CLSTN2: variants seen among roughly 807,000 people sequenced by gnomAD.
CLSTN2 encodes the protein calsyntenin 2.
Under a neutral mutation model 101.2 loss-of-function variants are expected in CLSTN2, and 48 were observed. That is an observed-to-expected ratio of 0.47 (90% CI 0.38 to 0.60). CLSTN2 has a LOEUF of 0.60. Among genes scored for constraint, CLSTN2 ranks in the 20% least tolerant of loss-of-function variants. CLSTN2 has a pLI of 0.00. For synonymous variants in CLSTN2, 481 were observed against 463.6 expected (o/e 1.04, Z -0.48); for missense variants, 1,160 against 1,238.2 (o/e 0.94, Z 0.95).
chr3:140,097,596 T>C lies in CLSTN2; in HGVS notation c.110-78355T>C, dbSNP rs182549442. Among the ~76,000 whole-genome samples the C allele has an allele frequency of 1.3e-3, 201 of 152,316 alleles. 1 individual carries two copies. Among genetic ancestry groups the C allele is most frequent in the African/African-American group, 4.4e-3 (183 of 41,566 alleles). ...CATAGTTGTATATGAAACCATGTTG[T>C]TCCCACTCCATGTGCTTTCGAATTT... On this transcript the variant is annotated intron_variant, in intron 1 of 16. Coordinates refer to ENST00000458420, the MANE Select transcript of CLSTN2 (RefSeq NM_022131.3).
At chr3:140,401,108 A>T (rs1304165421) in intron 2 of CLSTN2, among the ~76,000 whole-genome samples, 1 of 152,268 alleles carries the variant, frequency 6.6e-6, no homozygotes, top group Non-Finnish European at 1.5e-5. Context: ...TGCTTGGCAC[A>T]TAGTGCCTAA....
chr3:139,998,358 T>TTTTTTTTTTTTTTGG (rs2006732554), intron 1 of CLSTN2, among the ~76,000 whole-genome samples: 1 of 114,864 alleles, frequency 8.7e-6, no homozygotes, highest in African/African-American at 3.0e-5. Context: ...TTTTTTTTTG[T>TTTTTTTTTTTTTTGG]GACGGAGTCT....
chr3:140,565,012 C>T (rs1048119484), intron 16 of CLSTN2, among the ~76,000 whole-genome samples: 3 of 152,238 alleles, frequency 2.0e-5, no homozygotes, highest in African/African-American at 7.2e-5. Context: ...TGATGTGGCT[C>T]AGTTCCTCCA....
chr3:140,520,575 GGGGATTATC>G (rs1478544543), intron 8 of CLSTN2, among the ~76,000 whole-genome samples: 2 of 152,148 alleles, frequency 1.3e-5, no homozygotes, highest in Non-Finnish European at 2.9e-5. Context: ...CTTGACATGT[GGGGATTATC>G]GGGATTATAA....
intron 2 of CLSTN2, among the ~76,000 whole-genome samples, chr3:140,240,559 T>C (rs2086458576): frequency 6.6e-6 from 1 of 152,014 alleles, no homozygotes; most frequent in African/African-American, 2.4e-5. Context: ...ACAGGTTTGT[T>C]GAGAGGACAG....
intron 10 of CLSTN2, among the ~76,000 whole-genome samples, chr3:140,555,311 G>T (rs771145897): frequency 1.7e-4 from 26 of 152,190 alleles, no homozygotes; most frequent in Admixed American, 9.2e-4. Flanking sequence ...ATCCTGCAGG[G>T]AAGGGTACCA....
chr3:140,051,955 G>A (rs2008004710), intron 1 of CLSTN2, among the ~76,000 whole-genome samples: 1 of 152,170 alleles, frequency 6.6e-6, no homozygotes. Flanking sequence ...AAGTTTGCAG[G>A]GCAGGCTGAG....
Position 140,536,628 on chromosome 3 carries a change from G to A in CLSTN2, c.1507+4142G>A, listed in dbSNP as rs928014046. On this transcript the variant is annotated intron_variant, in intron 9 of 16. Transcript: ENST00000458420. ...GGAGATAGGAACCTTATCATGCAGT[G>A]TTTTAGGCCATGGGAAGATTTGAGT... 7.2e-5 allele frequency among the ~76,000 whole-genome samples: 11 copies of A among 152,142 alleles called. 1 individual carries two copies. Among genetic ancestry groups the A allele is most frequent in the South Asian group, 4.1e-4 (2 of 4,822 alleles).
chr3:140,418,122 A>G (rs2088451234), intron 4 of CLSTN2, among the ~76,000 whole-genome samples: 1 of 152,174 alleles, frequency 6.6e-6, no homozygotes, highest in Non-Finnish European at 1.5e-5. Context: ...AATTTTAAAG[A>G]AAGTTAATTT....
chr3:140,488,106 A>G (rs1312947107), intron 8 of CLSTN2, among the ~76,000 whole-genome samples: 2 of 152,224 alleles, frequency 1.3e-5, no homozygotes, highest in African/African-American at 4.8e-5. Flanking sequence ...TCACATTAGG[A>G]ACCCAGAGAA....
intron 8 of CLSTN2, among the ~76,000 whole-genome samples, chr3:140,511,682 T>C (rs1182846757): frequency 2.0e-5 from 3 of 151,164 alleles, no homozygotes; most frequent in African/African-American, 7.3e-5. Context: ...CCCGTGTAGC[T>C]GGGACTACAG....
intron 2 of CLSTN2, among the ~76,000 whole-genome samples, chr3:140,241,231 G>A (rs1235141868): frequency 1.1e-4 from 17 of 152,336 alleles, no homozygotes; most frequent in African/African-American, 3.8e-4. Flanking sequence ...GGTCAGGATA[G>A]TAAATAGGTT....
At chr3:139,938,092 C>A (rs897078933) in intron 1 of CLSTN2, among the ~76,000 whole-genome samples, 1 of 149,316 alleles carries the variant, frequency 6.7e-6, no homozygotes, top group African/African-American at 2.5e-5. Context: ...ATGCACCCTG[C>A]CTCTGACTTT....
intron 1 of CLSTN2, among the ~76,000 whole-genome samples, chr3:139,966,966 GA>G (rs1332529460): frequency 6.6e-6 from 1 of 152,188 alleles, no homozygotes; most frequent in Non-Finnish European, 1.5e-5. Flanking sequence ...GGGGACACTG[GA>G]GTGCAAATCA....
intron 8 of CLSTN2, among the ~76,000 whole-genome samples, chr3:140,519,983 C>T (rs914115434): frequency 6.6e-6 from 1 of 152,200 alleles, no homozygotes; most frequent in Non-Finnish European, 1.5e-5. Context: ...CCTTCAGGAG[C>T]TCTTGCAAGG....
intron 1 of CLSTN2, among the ~76,000 whole-genome samples, chr3:140,094,915 C>CTGCA (rs2008843765): frequency 6.6e-6 from 1 of 152,224 alleles, no homozygotes; most frequent in Non-Finnish European, 1.5e-5. Flanking sequence ...AAGGATCGTA[C>CTGCA]TGCAGCCAGG....
chr3:140,390,102 A>AC (rs397770980), intron 2 of CLSTN2, among the ~76,000 whole-genome samples: 2 of 151,040 alleles, frequency 1.3e-5, no homozygotes, highest in Admixed American at 6.6e-5. Context: ...AAAAAAAAAA[A>AC]TACATAACAT....
rs555204947 is a variant in CLSTN2, at chr3:140,534,967, G to A, written c.1507+2481G>A. Among the ~76,000 whole-genome samples the A allele has an allele frequency of 5.9e-5, 9 of 152,160 alleles. No homozygotes were observed. The South Asian group carries it at 6.2e-4, about 11-fold the overall frequency. On this transcript the variant is annotated intron_variant, in intron 9 of 16. Coordinates refer to ENST00000458420, the MANE Select transcript of CLSTN2 (RefSeq NM_022131.3). Reference sequence around the variant, plus strand: ...TCCAGGCTCAATGTCCAAGCTTTCCGAGTGATTTCTAGTGATCGCCTCATC... The same window carrying A: ...TCCAGGCTCAATGTCCAAGCTTTCCAAGTGATTTCTAGTGATCGCCTCATC...
At chr3:140,158,393 T>C (rs2107818330) in intron 1 of CLSTN2, among the ~76,000 whole-genome samples, 1 of 150,708 alleles carries the variant, frequency 6.6e-6, no homozygotes, top group South Asian at 2.1e-4. Flanking sequence ...AGAATTTCCA[T>C]ATACCAATAA....
Sources: gnomAD v4.1 joint callset for allele counts (sites outside exome capture counted in the v4.1 genomes callset) on GRCh38, gnomAD v4.1.1 for gene constraint, MANE v1.5 for transcripts, NCBI Gene and HGNC (gene_info 2026-07-23, HGNC 2026-07-21) for gene names.